EP400: variants seen among roughly 807,000 people sequenced by gnomAD.
The protein encoded by EP400 is E1A binding protein p400.
Under a neutral mutation model 354.1 loss-of-function variants are expected in EP400, and 105 were observed. The ratio of observed to expected loss-of-function variants is 0.30; its 90% CI spans 0.25 to 0.35. The LOEUF is 0.35. Among genes scored for constraint, EP400 ranks in the 10% least tolerant of loss-of-function variants. The pLI is 1.00. For synonymous variants in EP400, 1,646 were observed against 1,716.9 expected (o/e 0.96, Z 1.02); for missense variants, 3,280 against 4,121.0 (o/e 0.80, Z 5.59).
rs114086719 is a variant in EP400 at position 131,972,575 on chromosome 12, A to G, written c.1336-7119A>G. 2.0e-3 allele frequency among the ~76,000 whole-genome samples: 304 copies of G among 152,254 alleles called. 1 individual carries two copies. Among genetic ancestry groups the G allele is most frequent in the African/African-American group, 6.9e-3 (288 of 41,552 alleles). ...TGTTTCGAAAAGATTTTTAGGTGAT[A>G]CTGAGTGCAGGGGTGTTGCATATAA... On this transcript the variant is annotated intron_variant, in intron 2 of 52. Coordinates refer to ENST00000389561, the MANE Select transcript of EP400 (RefSeq NM_015409.5).
chr12:131,962,017 A>G (rs975519084), intron 2 of EP400, 63 bp downstream of exon 2: 55 of 1,503,512 alleles, frequency 3.7e-5, no homozygotes, highest in Non-Finnish European at 4.9e-5. Flanking sequence ...CTATGCGACA[A>G]TGAATTAAGT....
intron 15 of EP400, among the ~76,000 whole-genome samples, chr12:132,010,166 C>A (rs557844871): frequency 1.3e-5 from 2 of 150,744 alleles, no homozygotes; most frequent in East Asian, 3.9e-4. Context: ...CAGCTCACTG[C>A]AACCTCTGCC....
chr12:132,013,366 T>G lies in EP400; in HGVS notation c.3612-124T>G. The G allele has an allele frequency of 7.1e-7, 1 of 1,403,034 alleles. No individual in the cohort carries two copies. Among genetic ancestry groups the G allele is most frequent in the Non-Finnish European group, 9.6e-7 (1 of 1,042,042 alleles). The allele number at this position is 1,403,034 out of a possible 1,614,324, so 86.9% of individuals were successfully genotyped here. ...TCAGTGCAGCCCCCCTTTTCAGGCA[T>G]GTGCACGTTGACATTTGCGGTGTCA... On this transcript the variant is annotated intron_variant, in intron 17 of 52. Coordinates refer to ENST00000389561, the MANE Select transcript of EP400 (RefSeq NM_015409.5). This position sits in a 1 kb window ranked among gnomAD's most constrained non-coding sequence, Gnocchi z 4.5.
In EP400 at chr12:131,949,973, C is replaced by A. The variant is rs900423989; in HGVS notation, c.-99C>A. ...CCGGGGCCCCGGATGCACTGAGCGG[C>A]TGCGGCGCGGCTTCCATCCTCCCGC... On this transcript the variant is annotated 5_prime_UTR_variant, in exon 1 of 53. It adds an upstream start codon to the 5' untranslated region. Transcript: ENST00000389561. The A allele has an allele frequency of 5.3e-5, 8 of 152,000 alleles. No homozygotes were observed. The East Asian group carries it at 1.5e-3, about 29-fold the overall frequency. 9.4% of individuals were successfully genotyped at this position (152,000 alleles called of 1,614,324 possible).
At chr12:131,995,021 G>T (rs118183585) in intron 12 of EP400, 65 bp downstream of exon 12, 43,929 of 1,448,752 alleles carry the variant, frequency 0.03, 834 homozygotes, top group Non-Finnish European at 0.036. Context: ...CATGTGAGAT[G>T]TGAATAATAA....
intron 2 of EP400, among the ~76,000 whole-genome samples, chr12:131,978,136 A>G (rs1450684913): frequency 6.6e-6 from 1 of 152,208 alleles, no homozygotes; most frequent in Admixed American, 6.5e-5. Context: ...ATAACATGCC[A>G]ATAGCTTCCC....
rs1233993517 is a variant in EP400, at chr12:131,961,197, A to C, written c.578A>C (p.Gln193Pro). The change falls in exon 2 of 53, where the codon CAG becomes CCG. Residue 193 changes from glutamine to proline, a missense_variant. By Grantham distance (76) the Gln-to-Pro change is moderately conservative (BLOSUM62 -1). Around this residue, in one of 20 missense-constraint regions of EP400, gnomAD observed 11 missense variants for 42.2 expected, o/e 0.26. Transcript: ENST00000389561. ...SPSSGGHFVF[Q>P]DGSGLTQIAQ... ...TCCAGTGGTGGACACTTTGTGTTTC[A>C]GGATGGGTCAGGGCTCACCCAGATC... 4 of 1,532,480 alleles carry C rather than the reference A, an allele frequency of 2.6e-6. No individual in the cohort carries two copies. The allele number at this position is 1,532,480 out of a possible 1,614,324, so 94.9% of individuals were successfully genotyped here. A position where few individuals can be genotyped will look rare whatever the true frequency, so the allele number is the denominator to read the frequency against.
chr12:132,019,228 G>C (rs1894041806), intron 21 of EP400, among the ~76,000 whole-genome samples: 1 of 152,160 alleles, frequency 6.6e-6, no homozygotes, highest in South Asian at 2.1e-4. Flanking sequence ...TTTTAATAGA[G>C]ACAGAGGTCT....
chr12:132,077,965 T>C lies in EP400; in HGVS notation c.*292T>C. 2 of 401,612 alleles carry C rather than the reference T, an allele frequency of 5.0e-6. No individual in the cohort carries two copies. The highest frequency in any genetic ancestry group is 7.4e-5 in the South Asian group (2 of 27,124). The allele number at this position is 401,612 out of a possible 1,614,324, so 24.9% of individuals were successfully genotyped here. On this transcript the variant is annotated 3_prime_UTR_variant, in exon 53 of 53. Coordinates refer to ENST00000389561, the MANE Select transcript of EP400 (RefSeq NM_015409.5). ...CACCCGCACCCGTCCCCTAGAGCCATAGTACTGTGTTCTGAAAGCCATTTA... is the reference window on the plus strand; with the variant it reads ...CACCCGCACCCGTCCCCTAGAGCCACAGTACTGTGTTCTGAAAGCCATTTA...
At chr12:132,057,469 A>G (rs4027) in intron 45 of EP400, among the ~76,000 whole-genome samples, 47,658 of 152,130 alleles carry the variant, frequency 0.31, 13,435 homozygotes, top group African/African-American at 0.76. Flanking sequence ...TGATTGCCAG[A>G]TGCGGGAGGG....
At chr12:132,022,933 G>C (rs1225788418) in intron 23 of EP400, among the ~76,000 whole-genome samples, 2 of 151,980 alleles carry the variant, frequency 1.3e-5, no homozygotes, top group East Asian at 3.9e-4. Context: ...GCCAGACCCT[G>C]TCTCTCACAA....
chr12:132,014,903 T>G (rs1220358536), intron 19 of EP400, among the ~76,000 whole-genome samples: 2 of 152,124 alleles, frequency 1.3e-5, no homozygotes, highest in Non-Finnish European at 2.9e-5. Flanking sequence ...GGTGAGGCCA[T>G]GCTAGCCACA....
At position 132,027,568 on chromosome 12, in the gene EP400, C is replaced by A; in HGVS notation, c.5109+37C>A. ...AGCTTGAGACCCCGGTGCACGTGGA[C>A]AGGTAGCTTTCCAAGAGCTGCTCGT... On this transcript the variant is annotated intron_variant, in intron 26 of 52. Coordinates refer to ENST00000389561, the MANE Select transcript of EP400 (RefSeq NM_015409.5). This position sits in a 1 kb window ranked among gnomAD's most constrained non-coding sequence, Gnocchi z 4.9. 1.3e-6 allele frequency: 2 copies of A among 1,537,450 alleles called. No individual in the cohort carries two copies. Among genetic ancestry groups the A allele is most frequent in the Non-Finnish European group, 1.8e-6 (2 of 1,129,750 alleles).
intron 1 of EP400, among the ~76,000 whole-genome samples, chr12:131,955,792 A>G (rs1436483569): frequency 6.6e-6 from 1 of 151,896 alleles, no homozygotes; most frequent in Non-Finnish European, 1.5e-5. Context: ...TTACAGGAAC[A>G]TGCAACCATG....
At chr12:131,971,479 T>G (rs1377336940) in intron 2 of EP400, among the ~76,000 whole-genome samples, 2 of 152,204 alleles carry the variant, frequency 1.3e-5, no homozygotes, top group Non-Finnish European at 2.9e-5. Context: ...CGGATTTCCT[T>G]TCCTTTGGCT....
intron 1 of EP400, among the ~76,000 whole-genome samples, chr12:131,950,298 C>G (rs549209391): frequency 6.6e-6 from 1 of 152,050 alleles, no homozygotes; most frequent in Non-Finnish European, 1.5e-5. Context: ...TTTCTCGTGG[C>G]CCCCCGGGCT....
chr12:131,990,582 T>C lies in EP400; in HGVS notation c.2551-54T>C. 3.7e-6 allele frequency: 5 copies of C among 1,333,366 alleles called. No individual in the cohort carries two copies. The South Asian group carries it at 5.0e-5, about 13-fold the overall frequency. 82.6% of individuals were successfully genotyped at this position (1,333,366 alleles called of 1,614,324 possible). ...GCTTTAGTGTTTTGTATGCAGAACG[T>C]CTGTAATTCCCATCCTTAGTAATGT... On this transcript the variant is annotated intron_variant, in intron 8 of 52. Coordinates refer to ENST00000389561, the MANE Select transcript of EP400 (RefSeq NM_015409.5). The surrounding 1 kb of genome is among the most constrained non-coding windows in gnomAD (Gnocchi z 4.2).
At chr12:131,996,917 C>T (rs1206388125) in intron 12 of EP400, among the ~76,000 whole-genome samples, 2 of 152,138 alleles carry the variant, frequency 1.3e-5, no homozygotes, top group Non-Finnish European at 2.9e-5. Context: ...GGTGGTGTGT[C>T]TTTTCACTCT....
chr12:131,964,802 A>G (rs1488441171), intron 2 of EP400, among the ~76,000 whole-genome samples: 1 of 152,248 alleles, frequency 6.6e-6, no homozygotes, highest in Non-Finnish European at 1.5e-5. Flanking sequence ...ATCACAGTAC[A>G]GTGATAAATA....
Sources: gnomAD v4.1 joint callset for allele counts (sites outside exome capture counted in the v4.1 genomes callset) on GRCh38, gnomAD v4.1.1 for gene constraint, gnomAD v4.1.1 regional missense constraint, Gnocchi (gnomAD v3.1) non-coding constraint, MANE v1.5 for transcripts, NCBI Gene and HGNC (gene_info 2026-07-23, HGNC 2026-07-21) for gene names.